MTMR3: variants seen among roughly 807,000 people sequenced by gnomAD.
MTMR3 encodes the protein myotubularin related protein 3, also known as phosphatidylinositol-3,5-bisphosphate 3-phosphatase MTMR3.
MTMR3 carries 32 observed loss-of-function variants against 132.4 expected under a neutral mutation model. The ratio of observed to expected loss-of-function variants is 0.24; its 90% CI spans 0.18 to 0.32. The LOEUF (loss-of-function observed/expected upper bound fraction) is 0.32. MTMR3 is among the 10% of genes least tolerant of loss of function. MTMR3 has a pLI of 1.00. For missense variants in MTMR3, 1,216 were observed against 1,489.6 expected (o/e 0.82, Z 3.02); for synonymous variants, 556 against 550.3 (o/e 1.01, Z -0.14).
chr22:30,019,463 A>C lies in MTMR3; in HGVS notation c.1821-17A>C. ...AGTTTCCAAGATTTTCATTTCCCCC[A>C]AATTCCTTTCCTTTAGGCTACCAAA... On this transcript the variant is annotated splice_polypyrimidine_tract_variant and intron_variant, in intron 16 of 19. Coordinates refer to ENST00000401950, the MANE Select transcript of MTMR3 (RefSeq NM_021090.4). 1.3e-6 allele frequency: 2 copies of C among 1,577,214 alleles called. No individual in the cohort carries two copies. Among genetic ancestry groups the C allele is most frequent in the Non-Finnish European group, 1.7e-6 (2 of 1,165,380 alleles).
intron 19 of MTMR3, 115 bp from the exon 20 acceptor site, chr22:30,025,515 C>T (rs2067894430): frequency 9.1e-7 from 1 of 1,102,202 alleles, no homozygotes; most frequent in Non-Finnish European, 1.3e-6. Flanking sequence ...GGTTTGATCT[C>T]AAGGAGCTCC....
chr22:29,995,953 T>G (rs1438640636), intron 7 of MTMR3: 2 of 152,318 alleles, frequency 1.3e-5, no homozygotes, highest in Admixed American at 1.3e-4. Flanking sequence ...TCAAATTGTG[T>G]CACACACATA....
intron 1 of MTMR3, among the ~76,000 whole-genome samples, chr22:29,887,839 AAG>A (rs1271666670): frequency 3.9e-5 from 6 of 152,322 alleles, no homozygotes; most frequent in Admixed American, 1.3e-4. Context: ...CATTTTCAGA[AAG>A]AGAATATATC....
chr22:29,962,910 CTTTTTTTTTTT>C (rs892383539), intron 2 of MTMR3, among the ~76,000 whole-genome samples: 106 of 133,598 alleles, frequency 7.9e-4, no homozygotes, highest in African/African-American at 2.7e-3. Flanking sequence ...TCTCTTTTTT[CTTTTTTTTTTT>C]TTTTTGAGAC....
Position 30,019,663 on chromosome 22 carries a change from G to C in MTMR3, c.2004G>C (p.Lys668Asn). 8.7e-6 allele frequency: 14 copies of C among 1,614,194 alleles called. No homozygotes were observed. Among genetic ancestry groups the C allele is most frequent in the Non-Finnish European group, 1.1e-5 (13 of 1,180,030 alleles). ...CCCTTTCTGCCGACAGCCTAGGGAA[G>C]CCCACCAGAGTGCCGGGGGGTGCCG... ...EDPLSADSLG[K>N]PTRVPGGAEL... The change falls in exon 17 of 20, where the codon AAG becomes AAC. Residue 668 changes from lysine to asparagine, a missense_variant. Lys to Asn is a moderately conservative substitution (Grantham distance 94, BLOSUM62 0). Around this residue, in one of 7 missense-constraint regions of MTMR3, gnomAD observed 852 missense variants for 852.0 expected, o/e 1.00. Transcript: ENST00000401950.
chr22:30,010,898 C>G (rs370506350), intron 12 of MTMR3: 1 of 152,154 alleles, frequency 6.6e-6, no homozygotes, highest in South Asian at 2.1e-4. Context: ...AACAGACTTA[C>G]AATTCATTAA....
At chr22:29,958,516 C>A (rs997809079) in intron 2 of MTMR3, among the ~76,000 whole-genome samples, 4 of 152,134 alleles carry the variant, frequency 2.6e-5, no homozygotes, top group African/African-American at 4.8e-5. Flanking sequence ...CAAATACTCT[C>A]CAAGGTGCTT....
At chr22:29,897,514 G>T (rs9625878) in intron 1 of MTMR3, among the ~76,000 whole-genome samples, 1 of 151,842 alleles carries the variant, frequency 6.6e-6, no homozygotes, top group Non-Finnish European at 1.5e-5. Flanking sequence ...GTGCAGTGGC[G>T]CAATCTCTGC....
At position 30,019,934 on chromosome 22, in the gene MTMR3, C is replaced by T. The variant is rs778112988; in HGVS notation, c.2275C>T (p.Pro759Ser). The change falls in exon 17 of 20, where the codon CCT becomes TCT. Residue 759 changes from proline to serine, a missense_variant. Pro to Ser is a moderately conservative substitution (Grantham distance 74). Transcript: ENST00000401950. ...GAGGAGCCATCTGGATATGAGCTGGCCTCTGTTCTCACAGGGCATTTCTGA... is the reference window on the plus strand; with the variant it reads ...GAGGAGCCATCTGGATATGAGCTGGTCTCTGTTCTCACAGGGCATTTCTGA... ...ALRSHLDMSW[P>S]LFSQGISEQQ... 1.9e-6 allele frequency: 3 copies of T among 1,614,088 alleles called. No individual in the cohort carries two copies. The highest frequency in any genetic ancestry group is 2.2e-5 in the South Asian group (2 of 91,088).
rs1484648091 is a variant in MTMR3 at position 29,966,726 on chromosome 22, C to CGTGCGTGCGT, written c.-84-4247_-84-4246insCGTGCGTGTG. ...TCCACTGGTGACCTGTAGGGGTGTG[C>CGTGCGTGCGT]GTGTGTGTGTGTGTGTGTGTGTGTG... is the stretch of plus-strand genomic sequence containing the variant. On this transcript the variant is annotated intron_variant, in intron 2 of 19. Coordinates refer to ENST00000401950, the MANE Select transcript of MTMR3 (RefSeq NM_021090.4). Among the ~76,000 whole-genome samples, 11 of 142,972 alleles carry CGTGCGTGCGT rather than the reference C, an allele frequency of 7.7e-5. No homozygotes were observed. The East Asian group carries it at 1.0e-3, about 13-fold the overall frequency. 93.8% of individuals were successfully genotyped at this position (142,972 alleles called of 152,430 possible).
At chr22:29,901,777 C>G (rs2065006290) in intron 1 of MTMR3, among the ~76,000 whole-genome samples, 2 of 152,154 alleles carry the variant, frequency 1.3e-5, no homozygotes, top group Non-Finnish European at 2.9e-5. Flanking sequence ...GCCGCAAGCT[C>G]CTGGTCTCAA....
intron 1 of MTMR3, among the ~76,000 whole-genome samples, chr22:29,929,499 T>C (rs909664209): frequency 3.3e-5 from 5 of 151,960 alleles, no homozygotes; most frequent in African/African-American, 1.2e-4. Context: ...TTTCAGGTTT[T>C]TTCTCTCTCA....
intron 2 of MTMR3, among the ~76,000 whole-genome samples, chr22:29,969,467 G>A (rs556689099): frequency 2.0e-5 from 3 of 151,840 alleles, no homozygotes; most frequent in South Asian, 4.2e-4. Flanking sequence ...GTCTTCTTTT[G>A]CCCCTTACCC....
chr22:29,894,212 A>G (rs926004575), intron 1 of MTMR3, among the ~76,000 whole-genome samples: 19 of 152,120 alleles, frequency 1.2e-4, no homozygotes, highest in African/African-American at 3.9e-4. Context: ...CGCACTCACC[A>G]TTGAGAAAGT....
At chr22:29,919,504 TG>T (rs990418473) in intron 1 of MTMR3, among the ~76,000 whole-genome samples, 1 of 152,188 alleles carries the variant, frequency 6.6e-6, no homozygotes, top group African/African-American at 2.4e-5. Context: ...TAAATATTTT[TG>T]GACTGTTAAT....
intron 2 of MTMR3, among the ~76,000 whole-genome samples, chr22:29,961,056 A>G (rs1353357571): frequency 6.6e-6 from 1 of 152,164 alleles, no homozygotes; most frequent in Non-Finnish European, 1.5e-5. Context: ...GCTTAGGCAT[A>G]TTTTTATTTT....
At chr22:29,975,151 A>G (rs569131803) in intron 3 of MTMR3, among the ~76,000 whole-genome samples, 90 of 152,292 alleles carry the variant, frequency 5.9e-4, no homozygotes, top group African/African-American at 2.0e-3. Context: ...AGCAGCTCTG[A>G]TGGTTTCCAG....
intron 1 of MTMR3, among the ~76,000 whole-genome samples, chr22:29,946,864 AAAAG>A (rs1368980424): frequency 6.6e-6 from 1 of 152,224 alleles, no homozygotes; most frequent in Non-Finnish European, 1.5e-5. Context: ...ATAGTTCTTA[AAAAG>A]ATACTTGTTT....
chr22:29,903,427 C>T (rs1344465996), intron 1 of MTMR3, among the ~76,000 whole-genome samples: 3 of 119,148 alleles, frequency 2.5e-5, no homozygotes, highest in Non-Finnish European at 3.3e-5. Context: ...GTCTTACTGT[C>T]ATCCAGGCTG....
Sources: allele counts gnomAD v4.1 joint callset (sites outside exome capture counted in the v4.1 genomes callset), GRCh38; gene constraint gnomAD v4.1.1; regional missense constraint gnomAD v4.1.1; transcripts MANE v1.5; gene names NCBI Gene and HGNC (gene_info 2026-07-23, HGNC 2026-07-21).